WRN: variants seen among roughly 807,000 people sequenced by gnomAD.
WRN encodes the protein WRN RecQ like helicase.
In WRN, 149 loss-of-function variants were observed where a neutral mutation model predicts 180.7. The observed-to-expected ratio is 0.82, with a 90% CI of 0.72 to 0.94. WRN has a LOEUF of 0.94. Among genes scored for constraint, WRN ranks in the 40% least tolerant of loss-of-function variants. WRN has a pLI of 0.00. For missense variants in WRN, 1,661 were observed against 1,700.1 expected, an observed-to-expected ratio of 0.98 and a Z score of 0.40; for synonymous variants, 548 against 568.9, an observed-to-expected ratio of 0.96 and a Z score of 0.52.
Position 31,078,968 on chromosome 8 carries a change from T to A in WRN, c.840-1899T>A, listed in dbSNP as rs553213045. On this transcript the variant is annotated intron_variant, in intron 8 of 34. Coordinates refer to ENST00000298139, the MANE Select transcript of WRN (RefSeq NM_000553.6). Reference sequence around the variant, plus strand: ...CTGTGCCACTGTTGCTGTGTTTGTATGTTACACCATTTCCTGTCCATGTAA... The same window carrying A: ...CTGTGCCACTGTTGCTGTGTTTGTAAGTTACACCATTTCCTGTCCATGTAA... Among the ~76,000 whole-genome samples, 6 of 152,356 alleles carry A rather than the reference T, an allele frequency of 3.9e-5. No individual in the cohort carries two copies. The South Asian group carries it at 1.2e-3, about 32-fold the overall frequency.
intron 3 of WRN, among the ~76,000 whole-genome samples, chr8:31,063,214 T>TA: frequency 6.6e-6 from 1 of 152,346 alleles, no homozygotes; most frequent in South Asian, 2.1e-4. Context: ...TTAAAAACTT[T>TA]AAAAAATGCT....
chr8:31,062,338 TCAA>T (rs1812518168), intron 3 of WRN, among the ~76,000 whole-genome samples: 2 of 151,958 alleles, frequency 1.3e-5, no homozygotes, highest in South Asian at 2.1e-4. Flanking sequence ...TAGGCAAGTA[TCAA>T]CAACAATAGA....
chr8:31,083,014 A>G (rs1444026165), intron 9 of WRN, among the ~76,000 whole-genome samples: 1 of 152,138 alleles, frequency 6.6e-6, no homozygotes. Flanking sequence ...TTGCAGGTTA[A>G]TTAAGGCTGT....
chr8:31,143,512 A>T, intron 27 of WRN, 38 bp from the exon 28 acceptor site: 1 of 1,449,592 alleles, frequency 6.9e-7, no homozygotes. Flanking sequence ...AAGTTTTTTG[A>T]AACTTTTTTT....
chr8:31,161,667 C>A (rs917648436), intron 33 of WRN, among the ~76,000 whole-genome samples: 1 of 151,846 alleles, frequency 6.6e-6, no homozygotes, highest in East Asian at 1.9e-4. Flanking sequence ...GATGAAACTC[C>A]GTTTCTACTA....
At chr8:31,087,710 G>A (rs1275293519) in intron 11 of WRN, 66 bp from the exon 12 acceptor site, 1 of 1,528,882 alleles carries the variant, frequency 6.5e-7, no homozygotes, top group African/African-American at 1.4e-5. Context: ...TAGTCCTTTT[G>A]TGTTTGGTGA....
chr8:31,072,506 A>C (rs1259724587), intron 7 of WRN, among the ~76,000 whole-genome samples: 1 of 152,078 alleles, frequency 6.6e-6, no homozygotes, highest in African/African-American at 2.4e-5. Flanking sequence ...AGATCTGAGG[A>C]ATGTGGGAAC....
At chr8:31,057,488 A>G (rs1441988638) in intron 1 of WRN, among the ~76,000 whole-genome samples, 1 of 152,068 alleles carries the variant, frequency 6.6e-6, no homozygotes, top group African/African-American at 2.4e-5. Flanking sequence ...GGAGAATGGC[A>G]TGAACCCAGG....
chr8:31,157,513 A>G lies in WRN; in HGVS notation c.3965A>G (p.Asn1322Ser). 4 of 1,614,038 alleles carry G rather than the reference A, an allele frequency of 2.5e-6. No homozygotes were observed. The highest frequency in any genetic ancestry group is 3.4e-6 in the Non-Finnish European group (4 of 1,180,002). ...VQKIIADVIR[N>S]PPVNSDMSKI... ...AAGATTATTGCTGATGTTATCCGAA[A>G]CCCTCCCGTCAACTCAGGTGAGAGG... Residue 1322 changes from asparagine (N) to serine (S), a missense_variant, in exon 33 of 35, where the codon AAC becomes AGC. By Grantham distance (46) the Asn-to-Ser change is conservative. Coordinates refer to ENST00000298139, the MANE Select transcript of WRN (RefSeq NM_000553.6).
intron 17 of WRN, among the ~76,000 whole-genome samples, chr8:31,099,360 C>T (rs1332327071): frequency 6.9e-6 from 1 of 145,930 alleles, no homozygotes; most frequent in Non-Finnish European, 1.5e-5. Context: ...GCCGAGATTG[C>T]GCCACTGCAC....
At chr8:31,153,250 C>T (rs1305140805) in intron 31 of WRN, among the ~76,000 whole-genome samples, 1 of 152,154 alleles carries the variant, frequency 6.6e-6, no homozygotes, top group Non-Finnish European at 1.5e-5. Context: ...GGTAGTGCAG[C>T]TCTATTCCCC....
Position 31,174,198 on chromosome 8 carries a change from C to T in WRN, c.*1096C>T, listed in dbSNP as rs972667753. On this transcript the variant is annotated 3_prime_UTR_variant, in exon 35 of 35. Transcript: ENST00000298139. ...GCATTGCATTACCAGAAGGTAGTGG[C>T]GCCTATTAAATATGTGATATGTTGT... Among the ~76,000 whole-genome samples the T allele has an allele frequency of 3.3e-5, 5 of 152,054 alleles. No homozygotes were observed. The highest frequency in any genetic ancestry group is 1.2e-4 in the African/African-American group (5 of 41,378).
At chr8:31,150,309 TTTGTTGTTG>T (rs560446016) in intron 30 of WRN, 23 bp from the exon 31 acceptor site, 18 of 1,508,846 alleles carry the variant, frequency 1.2e-5, no homozygotes, top group African/African-American at 2.7e-5. Flanking sequence ...TCTTGACCTT[TTTGTTGTTG>T]TTGTTGTTGT....
intron 20 of WRN, among the ~76,000 whole-genome samples, chr8:31,118,885 T>C (rs1801615778): frequency 2.6e-5 from 4 of 151,954 alleles, no homozygotes; most frequent in Non-Finnish European, 5.9e-5. Context: ...TTAGGAATGA[T>C]GTTGTGAATA....
chr8:31,122,857 C>CTTG (rs1801773255), intron 21 of WRN, among the ~76,000 whole-genome samples: 1 of 47,950 alleles, frequency 2.1e-5, no homozygotes, highest in Non-Finnish European at 4.6e-5. Context: ...CATTTCTTTT[C>CTTG]TTGTTTTTTT....
At position 31,174,392 on chromosome 8, in the gene WRN, G is replaced by A. The variant is rs1387467731; in HGVS notation, c.*1290G>A. Among the ~76,000 whole-genome samples the A allele has an allele frequency of 6.6e-6, 1 of 152,172 alleles. No homozygotes were observed. Among genetic ancestry groups the A allele is most frequent in the East Asian group, 1.9e-4 (1 of 5,182 alleles). On this transcript the variant is annotated 3_prime_UTR_variant, in exon 35 of 35. Coordinates refer to ENST00000298139, the MANE Select transcript of WRN (RefSeq NM_000553.6). ...TGTTTGATTATTTGAGTTGCCAATT[G>A]AATTTGCTGCTTTTTTTCATGGCTT... is the stretch of plus-strand genomic sequence containing the variant.
At chr8:31,104,157 C>T (rs914071933) in intron 18 of WRN, among the ~76,000 whole-genome samples, 1 of 152,178 alleles carries the variant, frequency 6.6e-6, no homozygotes, top group African/African-American at 2.4e-5. Context: ...ACCTGTTTTC[C>T]AAAGTGGCTG....
At chr8:31,143,126 T>G (rs1247909028) in intron 27 of WRN, among the ~76,000 whole-genome samples, 1 of 151,808 alleles carries the variant, frequency 6.6e-6, no homozygotes, top group Non-Finnish European at 1.5e-5. Context: ...TTTTTTGACC[T>G]AAGATCTTAG....
intron 33 of WRN, among the ~76,000 whole-genome samples, chr8:31,162,475 C>T (rs921845629): frequency 6.6e-6 from 1 of 152,118 alleles, no homozygotes; most frequent in African/African-American, 2.4e-5. Context: ...CTTCTGGACA[C>T]CTCCAGAAGG....
Sources: allele counts gnomAD v4.1 joint callset (sites outside exome capture counted in the v4.1 genomes callset), GRCh38; gene constraint gnomAD v4.1.1; transcripts MANE v1.5; gene names NCBI Gene and HGNC (gene_info 2026-07-23, HGNC 2026-07-21).